PDE4D: variants seen among roughly 807,000 people sequenced by gnomAD.
PDE4D encodes the protein phosphodiesterase 4D, also known as 3',5'-cyclic-AMP phosphodiesterase 4D.
PDE4D carries 24 observed loss-of-function variants against 87.4 expected under a neutral mutation model. The ratio of observed to expected loss-of-function variants is 0.27; its 90% CI spans 0.20 to 0.39. The LOEUF is 0.39. Among genes scored for constraint, PDE4D ranks in the 10% least tolerant of loss-of-function variants. The probability of loss-of-function intolerance (pLI) is 1.00; values close to 1 mark genes in which losing one functional copy is unlikely to be tolerated. For synonymous variants in PDE4D, 384 were observed against 383.2 expected (o/e 1.00, Z -0.02); for missense variants, 714 against 1,041.0 (o/e 0.69, Z 4.32).
intron 1 of PDE4D, among the ~76,000 whole-genome samples, chr5:60,419,580 T>C (rs1447663386): frequency 6.6e-6 from 1 of 151,904 alleles, no homozygotes; most frequent in East Asian, 1.9e-4. Flanking sequence ...ATTTTATTCA[T>C]GTGAATCAAT....
intron 1 of PDE4D, among the ~76,000 whole-genome samples, chr5:59,891,570 G>A (rs159619): frequency 0.96 from 146,109 of 152,224 alleles, 70,317 homozygotes; most frequent in African/African-American, 0.99. Context: ...TTAATTTATG[G>A]AAGTCTGCAG....
chr5:60,022,024 G>A (rs1766118178), intron 2 of PDE4D, among the ~76,000 whole-genome samples: 1 of 152,114 alleles, frequency 6.6e-6, no homozygotes, highest in South Asian at 2.1e-4. Flanking sequence ...AATATTGCAT[G>A]TTTTTGTGTA....
At chr5:59,591,494 T>C (rs1169354247) in intron 1 of PDE4D, among the ~76,000 whole-genome samples, 4 of 152,208 alleles carry the variant, frequency 2.6e-5, no homozygotes, top group Non-Finnish European at 5.9e-5. Context: ...TGTTAAGGTA[T>C]ATTTTTTTGT....
intron 5 of PDE4D, among the ~76,000 whole-genome samples, chr5:59,042,121 CAGAGT>C (rs1441378530): frequency 6.6e-6 from 1 of 152,158 alleles, no homozygotes; most frequent in African/African-American, 2.4e-5. Flanking sequence ...TAATTACTAA[CAGAGT>C]AAAGTTTGCT....
At chr5:59,727,964 C>T (rs1213319954) in intron 1 of PDE4D, among the ~76,000 whole-genome samples, 2 of 152,002 alleles carry the variant, frequency 1.3e-5, no homozygotes, top group African/African-American at 4.8e-5. Context: ...TTGCATTTTG[C>T]CTTCTTTATC....
intron 1 of PDE4D, among the ~76,000 whole-genome samples, chr5:59,450,989 C>T (rs560235624): frequency 6.6e-6 from 1 of 152,314 alleles, no homozygotes; most frequent in African/African-American, 2.4e-5. Context: ...ACCTCCTCCT[C>T]ACTCTGAGCA....
At chr5:59,517,945 CT>C (rs1811470352) in intron 1 of PDE4D, among the ~76,000 whole-genome samples, 2 of 152,186 alleles carry the variant, frequency 1.3e-5, no homozygotes, top group African/African-American at 4.8e-5. Flanking sequence ...CAAAGAATTC[CT>C]TGACAATTTA....
chr5:59,709,787 C>G (rs1561518116), intron 1 of PDE4D, among the ~76,000 whole-genome samples: 2 of 152,144 alleles, frequency 1.3e-5, no homozygotes, highest in Non-Finnish European at 2.9e-5. Flanking sequence ...CAGAAAATAG[C>G]ATGGTTAGCT....
chr5:60,131,426 C>G (rs1041083746), intron 2 of PDE4D, among the ~76,000 whole-genome samples: 3 of 152,160 alleles, frequency 2.0e-5, no homozygotes, highest in African/African-American at 7.2e-5. Context: ...TTGCGATATC[C>G]TTTGAATCTG....
intron 1 of PDE4D, among the ~76,000 whole-genome samples, chr5:59,442,300 A>G (rs1264904166): frequency 1.3e-5 from 2 of 152,222 alleles, no homozygotes; most frequent in African/African-American, 4.8e-5. Context: ...GGAACATCAA[A>G]TAGTGAACAC....
intron 3 of PDE4D, among the ~76,000 whole-genome samples, chr5:59,917,046 C>T (rs1386092758): frequency 6.9e-6 from 1 of 144,492 alleles, no homozygotes; most frequent in Non-Finnish European, 1.5e-5. Flanking sequence ...TCAAGTGATC[C>T]ATCTGCCTCG....
At chr5:59,922,508 AG>A (rs1754782725) in intron 3 of PDE4D, among the ~76,000 whole-genome samples, 1 of 152,116 alleles carries the variant, frequency 6.6e-6, no homozygotes, top group African/African-American at 2.4e-5. Context: ...TTTGGATACC[AG>A]CTTATCCATG....
At chr5:60,143,603 TTG>T (rs34236719) in intron 2 of PDE4D, among the ~76,000 whole-genome samples, 36,912 of 117,086 alleles carry the variant, frequency 0.32, 4,301 homozygotes, top group Admixed American at 0.4. Context: ...AGCTTGGGAA[TTG>T]TGTGTGTGTG....
chr5:59,768,235 C>A (rs760372642), intron 1 of PDE4D: 142 of 1,597,770 alleles, frequency 8.9e-5, no homozygotes, highest in Non-Finnish European at 1.1e-4. Context: ...GCGAGGTCTG[C>A]GCAAACCTTA....
chr5:60,025,849 T>A (rs1011198405), intron 2 of PDE4D, among the ~76,000 whole-genome samples: 1 of 152,074 alleles, frequency 6.6e-6, no homozygotes, highest in Non-Finnish European at 1.5e-5. Context: ...ACCACTACAC[T>A]CCAGCCTGGG....
chr5:59,238,094 G>A (rs1290679061), intron 1 of PDE4D, among the ~76,000 whole-genome samples: 1 of 152,086 alleles, frequency 6.6e-6, no homozygotes, highest in African/African-American at 2.4e-5. Context: ...CTGATTCTCT[G>A]CCTTTGTAGC....
At chr5:60,504,507 G>A (rs144495694) in intron 1 of PDE4D, among the ~76,000 whole-genome samples, 528 of 152,160 alleles carry the variant, frequency 3.5e-3, no homozygotes, top group Non-Finnish European at 6.2e-3. Flanking sequence ...CCCTCAGGCA[G>A]TTTCATTCTC....
At position 59,836,662 on chromosome 5, in the gene PDE4D, T is replaced by TATC. The variant is rs1316423140; in HGVS notation, c.455+56503_455+56505dup. On this transcript the variant is annotated intron_variant, in intron 1 of 14. Transcript: ENST00000340635. ...TCTATCTATCTATCTATCTATCATC[T>TATC]ATCTACCTATCTATCTATCTACCTA... Among the ~76,000 whole-genome samples, 659 of 141,626 alleles carry TATC rather than the reference T, an allele frequency of 4.7e-3. 7 individuals are homozygous for TATC. The highest frequency in any genetic ancestry group is 0.025 in the South Asian group (112 of 4,442). The allele number at this position is 141,626 out of a possible 152,430, so 92.9% of individuals were successfully genotyped here. A position where few individuals can be genotyped will look rare whatever the true frequency, so the allele number is the denominator to read the frequency against.
intron 1 of PDE4D, among the ~76,000 whole-genome samples, chr5:59,703,239 C>T (rs1752871895): frequency 6.6e-6 from 1 of 152,184 alleles, no homozygotes; most frequent in Non-Finnish European, 1.5e-5. Context: ...CTTATATAAA[C>T]TACAAAGAAT....
Sources: gnomAD v4.1 joint callset for allele counts (sites outside exome capture counted in the v4.1 genomes callset) on GRCh38, gnomAD v4.1.1 for gene constraint, MANE v1.5 for transcripts, NCBI Gene and HGNC (gene_info 2026-07-23, HGNC 2026-07-21) for gene names.